The following CADM2 variants were observed in gnomAD, a reference collection of about 807,000 sequenced individuals.
The protein encoded by CADM2 is cell adhesion molecule 2.
CADM2 carries 12 observed loss-of-function variants against 49.8 expected under a neutral mutation model. The ratio of observed to expected loss-of-function variants is 0.24; its 90% CI spans 0.15 to 0.39. CADM2 has a LOEUF of 0.39. Ranked by LOEUF, CADM2 falls within the 10% of genes least tolerant of loss-of-function variation. The pLI is 1.00. For synonymous variants in CADM2, 214 were observed against 175.4 expected (o/e 1.22, Z -1.74); for missense variants, 378 against 492.3 (o/e 0.77, Z 2.20).
chr3:85,492,709 A>C (rs1396139109), intron 1 of CADM2, among the ~76,000 whole-genome samples: 1 of 152,228 alleles, frequency 6.6e-6, no homozygotes, highest in Non-Finnish European at 1.5e-5. Flanking sequence ...GATAATATTT[A>C]TCATTGAAAA....
intron 1 of CADM2, among the ~76,000 whole-genome samples, chr3:85,304,882 C>G (rs2044178128): frequency 6.6e-6 from 1 of 151,650 alleles, no homozygotes; most frequent in Non-Finnish European, 1.5e-5. Flanking sequence ...ACTTATGACT[C>G]TCTATTTCCA....
At chr3:85,485,933 C>G (rs1198559486) in intron 1 of CADM2, among the ~76,000 whole-genome samples, 1 of 151,976 alleles carries the variant, frequency 6.6e-6, no homozygotes, top group Non-Finnish European at 1.5e-5. Context: ...GCATCAGGAT[C>G]AGGATTTTAC....
At position 85,176,367 on chromosome 3, in the gene CADM2, C is replaced by A. The variant is rs111761650; in HGVS notation, c.61+216699C>A. Among the ~76,000 whole-genome samples, 301 of 152,172 alleles carry A rather than the reference C, an allele frequency of 2.0e-3. 1 individual carries two copies. The highest frequency in any genetic ancestry group is 6.9e-3 in the African/African-American group (287 of 41,510). ...AAACAGGTATTGCCTTTATCCTTAG[C>A]TTGTATAAACTAAAGCAAAAATAGG... On this transcript the variant is annotated intron_variant, in intron 1 of 9. Coordinates refer to ENST00000383699, the MANE Select transcript of CADM2 (RefSeq NM_001167675.2).
intron 6 of CADM2, among the ~76,000 whole-genome samples, chr3:85,923,118 C>A (rs914930340): frequency 6.6e-6 from 1 of 152,012 alleles, no homozygotes; most frequent in Non-Finnish European, 1.5e-5. Context: ...CCACCGCGCC[C>A]GGCCGAAACT....
At chr3:85,086,763 C>T (rs1259224889) in intron 1 of CADM2, among the ~76,000 whole-genome samples, 1 of 152,064 alleles carries the variant, frequency 6.6e-6, no homozygotes. Flanking sequence ...CCCACCTCTG[C>T]CTCCCAAAGT....
intron 1 of CADM2, among the ~76,000 whole-genome samples, chr3:85,284,996 C>A (rs1261993631): frequency 6.6e-6 from 1 of 152,002 alleles, no homozygotes; most frequent in Non-Finnish European, 1.5e-5. Flanking sequence ...TGCCTTGGAC[C>A]AGGAGATAGC....
intron 8 of CADM2, among the ~76,000 whole-genome samples, chr3:85,979,545 T>G (rs1024434483): frequency 6.6e-6 from 1 of 151,646 alleles, no homozygotes; most frequent in Non-Finnish European, 1.5e-5. Context: ...AAAATGTTGG[T>G]CAAATTTAAA....
chr3:85,516,686 AT>A (rs1363365397), intron 1 of CADM2, among the ~76,000 whole-genome samples: 1 of 152,034 alleles, frequency 6.6e-6, no homozygotes, highest in African/African-American at 2.4e-5. Context: ...CAACGTCACA[AT>A]CCAATTATAG....
chr3:85,495,193 T>TG (rs2039838069), intron 1 of CADM2, among the ~76,000 whole-genome samples: 1 of 152,162 alleles, frequency 6.6e-6, no homozygotes, highest in Non-Finnish European at 1.5e-5. Context: ...ATGATGGCTG[T>TG]GGTAAAGCAG....
At chr3:85,764,527 T>C (rs145259044) in intron 2 of CADM2, among the ~76,000 whole-genome samples, 3 of 152,072 alleles carry the variant, frequency 2.0e-5, no homozygotes, top group Non-Finnish European at 2.9e-5. Flanking sequence ...ATGTTCAAAG[T>C]CAAGTCTTTA....
intron 1 of CADM2, among the ~76,000 whole-genome samples, chr3:85,334,952 A>G (rs778896888): frequency 8.6e-5 from 13 of 151,522 alleles, no homozygotes; most frequent in Middle Eastern, 3.4e-3. Flanking sequence ...AAATGTAATA[A>G]AAATAGGGCT....
rs752550127 is a variant in CADM2, at chr3:85,897,241, C to CTTTTTTTTTTT, written c.529+10943_529+10953dup. ...CAACAATAATTGCTTTAACCTACAT[C>CTTTTTTTTTTT]TTTTTTTTTTTTTTTTTTTTTTTTT... is the stretch of plus-strand genomic sequence containing the variant. On this transcript the variant is annotated intron_variant, in intron 5 of 9. Transcript: ENST00000383699. Among the ~76,000 whole-genome samples the CTTTTTTTTTTT allele has an allele frequency of 6.1e-4, 28 of 45,926 alleles. 4 individuals carry two copies. Among genetic ancestry groups the CTTTTTTTTTTT allele is most frequent in the African/African-American group, 1.5e-3 (22 of 14,948 alleles). The allele number at this position is 45,926 out of a possible 152,430, so 30.1% of individuals were successfully genotyped here.
At chr3:85,883,016 G>C (rs550379152) in intron 3 of CADM2, among the ~76,000 whole-genome samples, 1 of 152,212 alleles carries the variant, frequency 6.6e-6, no homozygotes, top group East Asian at 1.9e-4. Flanking sequence ...ATCAACATCA[G>C]TATCTACCTC....
At chr3:85,943,744 G>A (rs182173728) in intron 7 of CADM2, among the ~76,000 whole-genome samples, 115 of 151,786 alleles carry the variant, frequency 7.6e-4, no homozygotes, top group African/African-American at 2.5e-3. Context: ...AAATAACGCC[G>A]CATATCTACA....
chr3:85,320,856 T>G (rs2044579900), intron 1 of CADM2, among the ~76,000 whole-genome samples: 1 of 151,686 alleles, frequency 6.6e-6, no homozygotes, highest in African/African-American at 2.4e-5. Context: ...CCAGTTATTG[T>G]GGTTTATATC....
chr3:85,376,824 A>G (rs1457722084), intron 1 of CADM2, among the ~76,000 whole-genome samples: 1 of 152,126 alleles, frequency 6.6e-6, no homozygotes, highest in African/African-American at 2.4e-5. Context: ...AAGGCTTTTA[A>G]GGGAATATTT....
At chr3:85,161,784 G>T (rs571461006) in intron 1 of CADM2, among the ~76,000 whole-genome samples, 2 of 152,036 alleles carry the variant, frequency 1.3e-5, no homozygotes, top group African/African-American at 4.8e-5. Flanking sequence ...TTGGGAGGCC[G>T]AGGTGGGCGG....
chr3:85,352,719 A>C (rs1041374244), intron 1 of CADM2, among the ~76,000 whole-genome samples: 2 of 152,114 alleles, frequency 1.3e-5, no homozygotes, highest in African/African-American at 4.8e-5. Flanking sequence ...GATATTTATA[A>C]TTTTATGAGT....
intron 3 of CADM2, among the ~76,000 whole-genome samples, chr3:85,847,302 A>G (rs943726934): frequency 1.3e-5 from 2 of 152,210 alleles, no homozygotes; most frequent in Non-Finnish European, 2.9e-5. Context: ...TATGTTTTCC[A>G]TTAATTTGGT....
Sources: allele counts gnomAD v4.1 joint callset (sites outside exome capture counted in the v4.1 genomes callset), GRCh38; gene constraint gnomAD v4.1.1; transcripts MANE v1.5; gene names NCBI Gene and HGNC (gene_info 2026-07-23, HGNC 2026-07-21).